Variants in S100Z observed in about 807,000 individuals in gnomAD.
The protein encoded by S100Z is protein S100-Z.
Under a neutral mutation model 8.5 loss-of-function variants are expected in S100Z, and 11 were observed. That is an observed-to-expected ratio of 1.30 (90% CI 0.82 to 2.15). The LOEUF (loss-of-function observed/expected upper bound fraction) is 2.15. Among genes scored for constraint, S100Z ranks in the 30% most tolerant of loss-of-function variants. The pLI is 0.00. For synonymous variants in S100Z, 34 were observed against 43.8 expected (o/e 0.78, Z 0.89); for missense variants, 126 against 117.9 (o/e 1.07, Z -0.32).
intron 4 of S100Z, among the ~76,000 whole-genome samples, chr5:76,903,779 G>A (rs575538518): frequency 2.0e-5 from 3 of 150,394 alleles, no homozygotes; most frequent in South Asian, 2.1e-4. Context: ...AGGCTGGAGT[G>A]CAGTGGCACA....
chr5:76,911,331 A>T (rs1174472863), intron 4 of S100Z, among the ~76,000 whole-genome samples: 1 of 152,202 alleles, frequency 6.6e-6, no homozygotes, highest in East Asian at 1.9e-4. Context: ...AGACTCATCA[A>T]AAAGGCAGTA....
chr5:76,873,130 G>A (rs981458218), intron 2 of S100Z, among the ~76,000 whole-genome samples: 1 of 152,166 alleles, frequency 6.6e-6, no homozygotes, highest in Non-Finnish European at 1.5e-5. Flanking sequence ...AGTGGCAGAG[G>A]TGAGAGGTAA....
intron 4 of S100Z, among the ~76,000 whole-genome samples, chr5:76,905,275 A>G (rs1017649758): frequency 1.3e-5 from 2 of 152,170 alleles, no homozygotes; most frequent in African/African-American, 4.8e-5. Context: ...GGTTCAAGCA[A>G]TCTTACCATC....
downstream of S100Z, among the ~76,000 whole-genome samples, chr5:76,924,037 C>T (rs1230485892): frequency 6.6e-6 from 1 of 152,142 alleles, no homozygotes; most frequent in Non-Finnish European, 1.5e-5. Flanking sequence ...GCCTTTGATC[C>T]TCTCCCCTAA....
intron 1 of S100Z, among the ~76,000 whole-genome samples, chr5:76,851,240 G>T (rs909509797): frequency 6.6e-6 from 1 of 152,212 alleles, no homozygotes; most frequent in Non-Finnish European, 1.5e-5. Context: ...GGCACAGATG[G>T]TGCAGAGGGG....
At chr5:76,922,270 G>A (rs2150690884), downstream of S100Z, among the ~76,000 whole-genome samples, 1 of 152,210 alleles carries the variant, frequency 6.6e-6, no homozygotes, top group Non-Finnish European at 1.5e-5. Flanking sequence ...CCCCTCCCTA[G>A]GGGGTCTCAG....
chr5:76,937,483 C>T, the S100Z span, among the ~76,000 whole-genome samples: 1 of 152,032 alleles, frequency 6.6e-6, no homozygotes, highest in Admixed American at 6.6e-5. Flanking sequence ...AGGCCAGGCA[C>T]AGTGGCTCAT....
chr5:76,937,974 C>G, the S100Z span, among the ~76,000 whole-genome samples: 1 of 151,918 alleles, frequency 6.6e-6, no homozygotes, highest in Non-Finnish European at 1.5e-5. Flanking sequence ...CGGTGCATGC[C>G]TGTAATTCCA....
At chr5:76,922,562 G>A (rs1028964915), downstream of S100Z, among the ~76,000 whole-genome samples, 24 of 151,880 alleles carry the variant, frequency 1.6e-4, no homozygotes, top group African/African-American at 4.4e-4. Context: ...GTCTTGCTCC[G>A]TTGCCCAAGC....
intron 4 of S100Z, among the ~76,000 whole-genome samples, chr5:76,888,305 G>A (rs1456889549): frequency 7.1e-6 from 1 of 141,496 alleles, no homozygotes; most frequent in Non-Finnish European, 1.5e-5. Context: ...TAGGCAGATA[G>A]AGAGGAAAAG....
intron 4 of S100Z, among the ~76,000 whole-genome samples, chr5:76,912,946 CAGAG>C (rs35241891): frequency 6.6e-6 from 1 of 150,632 alleles, no homozygotes; most frequent in South Asian, 2.1e-4. Flanking sequence ...CAGAGAGAGT[CAGAG>C]AGAGGAAGAG....
intron 1 of S100Z, among the ~76,000 whole-genome samples, chr5:76,856,661 C>T (rs1030778552): frequency 3.9e-5 from 6 of 152,060 alleles, no homozygotes; most frequent in African/African-American, 9.7e-5. Context: ...TTAATTTTTT[C>T]GGAAGAGTTT....
intron 2 of S100Z, among the ~76,000 whole-genome samples, chr5:76,870,967 A>G (rs1442182814): frequency 1.3e-5 from 2 of 152,104 alleles, no homozygotes; most frequent in East Asian, 3.8e-4. Flanking sequence ...ACAAAGAAAA[A>G]AATAAAATAA....
the S100Z span, among the ~76,000 whole-genome samples, chr5:76,948,514 C>CT: frequency 3.3e-5 from 5 of 152,014 alleles, no homozygotes; most frequent in Non-Finnish European, 7.4e-5. Context: ...TAAAAATGGG[C>CT]TAAGGACTTG....
At chr5:76,869,114 G>A (rs796534141) in intron 1 of S100Z, among the ~76,000 whole-genome samples, 36 of 152,322 alleles carry the variant, frequency 2.4e-4, no homozygotes, top group African/African-American at 7.5e-4. Flanking sequence ...TCATCCATCA[G>A]TGAGGATTTC....
At chr5:76,943,581 A>G in the S100Z span, among the ~76,000 whole-genome samples, 1 of 152,216 alleles carries the variant, frequency 6.6e-6, no homozygotes, top group Admixed American at 6.5e-5. Flanking sequence ...GGTGCCCAGG[A>G]GGCAGAGTGA....
chr5:76,866,233 C>T (rs997393709), intron 1 of S100Z, among the ~76,000 whole-genome samples: 2 of 151,510 alleles, frequency 1.3e-5, no homozygotes, highest in Non-Finnish European at 2.9e-5. Context: ...TACAGGCATG[C>T]GCCACCATGC....
Position 76,875,293 on chromosome 5 carries a change from T to C in S100Z, c.-56-11T>C. Reference sequence around the variant, plus strand: ...GTGTTGGTGTTTCCTCATCTGTTTATTCTGAACAAGTGTCTTCTCCCCGGG... The same window carrying C: ...GTGTTGGTGTTTCCTCATCTGTTTACTCTGAACAAGTGTCTTCTCCCCGGG... On this transcript the variant is annotated splice_polypyrimidine_tract_variant and intron_variant, in intron 2 of 4. Coordinates refer to ENST00000317593, the MANE Select transcript of S100Z (RefSeq NM_130772.4). 1 of 1,452,620 alleles carries C rather than the reference T, an allele frequency of 6.9e-7. No homozygotes were observed. The highest frequency in any genetic ancestry group is 9.3e-7 in the Non-Finnish European group (1 of 1,073,208). The allele number at this position is 1,452,620 out of a possible 1,614,324, so 90.0% of individuals were successfully genotyped here. A position where few individuals can be genotyped will look rare whatever the true frequency, so the allele number is the denominator to read the frequency against.
chr5:76,872,693 G>A (rs1374014628), intron 2 of S100Z, among the ~76,000 whole-genome samples: 1 of 152,000 alleles, frequency 6.6e-6, no homozygotes, highest in Admixed American at 6.6e-5. Context: ...GGGTGCAGTG[G>A]CTCACACCTG....
Sources: gnomAD v4.1 joint callset for allele counts (sites outside exome capture counted in the v4.1 genomes callset) on GRCh38, gnomAD v4.1.1 for gene constraint, MANE v1.5 for transcripts, NCBI Gene and HGNC (gene_info 2026-07-23, HGNC 2026-07-21) for gene names.